TANC1: variants seen among roughly 807,000 people sequenced by gnomAD.
TANC1 encodes protein TANC1.
TANC1 carries 77 observed loss-of-function variants against 149.7 expected under a neutral mutation model. That is an observed-to-expected ratio of 0.51 (90% CI 0.43 to 0.62). The LOEUF (loss-of-function observed/expected upper bound fraction) is 0.62, where lower values mean the gene tolerates loss of function less well. Ranked by LOEUF, TANC1 falls within the 20% of genes least tolerant of loss-of-function variation. TANC1 has a pLI of 0.00. For synonymous variants in TANC1, 854 were observed against 925.0 expected, an observed-to-expected ratio of 0.92 and a Z score of 1.39; for missense variants, 1,985 against 2,321.8, an observed-to-expected ratio of 0.85 and a Z score of 2.98.
chr2:159,156,002 T>C (rs1266197199), intron 7 of TANC1, among the ~76,000 whole-genome samples: 2 of 152,244 alleles, frequency 1.3e-5, no homozygotes, highest in Non-Finnish European at 2.9e-5. Context: ...GACCTTTTAT[T>C]TCCTGGACTT....
chr2:159,023,333 C>T (rs374572456), intron 2 of TANC1, among the ~76,000 whole-genome samples: 1 of 151,868 alleles, frequency 6.6e-6, no homozygotes, highest in Non-Finnish European at 1.5e-5. Context: ...AAATGGGTAA[C>T]CCATGGCCTT....
At position 158,981,147 on chromosome 2, in the gene TANC1, A is replaced by T. The variant is rs565775876; in HGVS notation, c.-126+12365A>T. On this transcript the variant is annotated intron_variant, in intron 1 of 26. Transcript: ENST00000263635. ...CCGACCCCCTCTATGATTTGAGAACAGACATTTAAGTTTAGCAATTCAGAG... is the reference window on the plus strand; with the variant it reads ...CCGACCCCCTCTATGATTTGAGAACTGACATTTAAGTTTAGCAATTCAGAG... 6.6e-5 allele frequency among the ~76,000 whole-genome samples: 10 copies of T among 152,226 alleles called. No individual in the cohort carries two copies. The South Asian group carries it at 2.1e-3, about 32-fold the overall frequency.
At chr2:159,167,409 C>G (rs544488268) in intron 8 of TANC1, among the ~76,000 whole-genome samples, 1 of 152,110 alleles carries the variant, frequency 6.6e-6, no homozygotes, top group Non-Finnish European at 1.5e-5. Context: ...GTTAGCCCTC[C>G]GGGAGATTTT....
At chr2:159,011,055 A>T (rs536121718) in intron 2 of TANC1, among the ~76,000 whole-genome samples, 1 of 152,264 alleles carries the variant, frequency 6.6e-6, no homozygotes, top group East Asian at 1.9e-4. Flanking sequence ...TTAATCCTGC[A>T]TTATTCATTC....
At chr2:159,013,512 A>G (rs528096781) in intron 2 of TANC1, among the ~76,000 whole-genome samples, 1 of 152,338 alleles carries the variant, frequency 6.6e-6, no homozygotes, top group Admixed American at 6.5e-5. Flanking sequence ...TAGCAGTGTG[A>G]TAATTTCACA....
rs117290449 is a variant in TANC1, at chr2:159,208,835, G to A, written c.3245-8662G>A. 2.6e-3 allele frequency among the ~76,000 whole-genome samples: 389 copies of A among 152,306 alleles called. 11 individuals are homozygous for A. The East Asian group carries it at 0.061, about 24-fold the overall frequency. On this transcript the variant is annotated intron_variant, in intron 19 of 26. Transcript: ENST00000263635. ...CATCCTTAGGCGATTTGGTCATTGC[G>A]TGAAAATCCTCCAGTGTACTTACAC...
chr2:159,171,871 A>AAAAAAAAAAAAAAAAAAAG (rs70994272), intron 10 of TANC1, among the ~76,000 whole-genome samples: 1 of 105,598 alleles, frequency 9.5e-6, no homozygotes, highest in Non-Finnish European at 2.0e-5. Context: ...AAAAAAAAAA[A>AAAAAAAAAAAAAAAAAAAG]AAAAGAAAAA....
At chr2:159,150,644 G>C in intron 7 of TANC1, 88 bp downstream of exon 7, 1 of 989,442 alleles carries the variant, frequency 1.0e-6, no homozygotes, top group Non-Finnish European at 1.6e-6. Flanking sequence ...GTTTTAGCAT[G>C]GTCTGTGAAG....
chr2:159,006,709 A>G (rs1020618410), intron 2 of TANC1, among the ~76,000 whole-genome samples: 2 of 152,226 alleles, frequency 1.3e-5, no homozygotes, highest in Non-Finnish European at 2.9e-5. Context: ...GAGGAGACCC[A>G]CAGCATTTTT....
chr2:159,176,876 G>GT (rs1156992045), intron 13 of TANC1, among the ~76,000 whole-genome samples: 24 of 113,332 alleles, frequency 2.1e-4, no homozygotes, highest in Non-Finnish European at 3.8e-4. Flanking sequence ...GGGGCTTTGT[G>GT]TTTTTTTGAA....
In TANC1 at chr2:159,207,725, A is replaced by AC. The variant is rs1281685109; in HGVS notation, c.3244+8672_3244+8673insC. Among the ~76,000 whole-genome samples the AC allele has an allele frequency of 4.5e-5, 6 of 133,974 alleles. No homozygotes were observed. The East Asian group carries it at 7.8e-4, about 17-fold the overall frequency. The allele number at this position is 133,974 out of a possible 152,430, so 87.9% of individuals were successfully genotyped here. A position where few individuals can be genotyped will look rare whatever the true frequency, so the allele number is the denominator to read the frequency against. On this transcript the variant is annotated intron_variant, in intron 19 of 26. Transcript: ENST00000263635. ...AAAAAAAAAAAAAAAAAAAAAAAAA[A>AC]AACAACTCAGACTTAGCCACACTCC...
chr2:158,988,281 C>T (rs2035235070), intron 1 of TANC1, among the ~76,000 whole-genome samples: 1 of 144,374 alleles, frequency 6.9e-6, no homozygotes, highest in Admixed American at 7.3e-5. Flanking sequence ...GAGCTGAGAT[C>T]GGGCCACTGT....
At position 159,175,058 on chromosome 2, in the gene TANC1, G is replaced by A. The variant is rs190179338; in HGVS notation, c.1609G>A (p.Ala537Thr). 1.2e-5 allele frequency: 19 copies of A among 1,614,180 alleles called. 2 individuals are homozygous for A. In the East Asian group the frequency reaches 2.2e-4, roughly 19 times the overall value. ...ALLCRSHQLA[A>T]YRDLLIKEPQ... ...GCTCTGCCGGTCCCATCAGCTGGCCGCCTACAGAGACCTTCTGATAAAGGA... is the reference window on the plus strand; with the variant it reads ...GCTCTGCCGGTCCCATCAGCTGGCCACCTACAGAGACCTTCTGATAAAGGA... Residue 537 changes from alanine (A) to threonine (T), a missense_variant, in exon 12 of 27, where the codon GCC becomes ACC. This residue lies in a region of TANC1 where 508 missense variants were observed against 714.2 expected (regional missense o/e 0.71). Transcript: ENST00000263635.
At chr2:159,158,372 A>T (rs968693926) in intron 7 of TANC1, among the ~76,000 whole-genome samples, 1 of 152,110 alleles carries the variant, frequency 6.6e-6, no homozygotes, top group Non-Finnish European at 1.5e-5. Context: ...AACAAAAAAA[A>T]ACCATGTAGA....
chr2:159,138,300 T>C (rs2050983231), intron 5 of TANC1, among the ~76,000 whole-genome samples: 1 of 152,162 alleles, frequency 6.6e-6, no homozygotes, highest in African/African-American at 2.4e-5. Flanking sequence ...TTCACGTCTG[T>C]GGGTGCATGG....
intron 2 of TANC1, among the ~76,000 whole-genome samples, chr2:159,028,935 T>A (rs2039564964): frequency 6.6e-6 from 1 of 152,164 alleles, no homozygotes; most frequent in Admixed American, 6.5e-5. Flanking sequence ...TAGATTTTTT[T>A]ATAGAGATGA....
intron 19 of TANC1, among the ~76,000 whole-genome samples, chr2:159,211,242 CT>C (rs1404801447): frequency 1.3e-5 from 2 of 152,240 alleles, no homozygotes; most frequent in Non-Finnish European, 2.9e-5. Flanking sequence ...GACAGTGTTG[CT>C]GAGGTATGTG....
intron 3 of TANC1, among the ~76,000 whole-genome samples, chr2:159,091,832 G>A (rs1053173103): frequency 1.3e-5 from 2 of 152,164 alleles, no homozygotes; most frequent in Admixed American, 6.5e-5. Flanking sequence ...TTTTCAAAAT[G>A]TTCTGCCTGA....
At chr2:159,030,152 TC>T (rs1163096942) in intron 2 of TANC1, among the ~76,000 whole-genome samples, 1 of 152,128 alleles carries the variant, frequency 6.6e-6, no homozygotes, top group East Asian at 1.9e-4. Flanking sequence ...TGTTATTCCT[TC>T]CCGGGGTGAA....
Sources: allele counts gnomAD v4.1 joint callset (sites outside exome capture counted in the v4.1 genomes callset), GRCh38; gene constraint gnomAD v4.1.1; regional missense constraint gnomAD v4.1.1; transcripts MANE v1.5; gene names NCBI Gene and HGNC (gene_info 2026-07-23, HGNC 2026-07-21).